The following THSD7B variants were observed in gnomAD, a reference collection of about 807,000 sequenced individuals.
The protein encoded by THSD7B is thrombospondin type 1 domain containing 7B.
THSD7B carries 138 observed loss-of-function variants against 213.6 expected under a neutral mutation model. The ratio of observed to expected loss-of-function variants is 0.65; its 90% CI spans 0.56 to 0.74. THSD7B has a LOEUF of 0.74. THSD7B is among the 30% of genes least tolerant of loss of function. The pLI, the probability that THSD7B is intolerant of heterozygous loss-of-function variation, is 0.00. For synonymous variants in THSD7B, 742 were observed against 687.0 expected (o/e 1.08, Z -1.25); for missense variants, 1,931 against 1,991.5 (o/e 0.97, Z 0.58).
At chr2:137,215,733 C>T (rs1255518249) in intron 7 of THSD7B, among the ~76,000 whole-genome samples, 1 of 152,146 alleles carries the variant, frequency 6.6e-6, no homozygotes, top group African/African-American at 2.4e-5. Flanking sequence ...TCTTTATTCT[C>T]TTAATCTTTG....
At chr2:137,644,752 C>T (rs1326825395) in intron 21 of THSD7B, among the ~76,000 whole-genome samples, 1 of 152,134 alleles carries the variant, frequency 6.6e-6, no homozygotes, top group Non-Finnish European at 1.5e-5. Flanking sequence ...CTTGTCCTAG[C>T]ATGTCCTTGC....
At chr2:137,146,984 A>G (rs555569425) in intron 5 of THSD7B, among the ~76,000 whole-genome samples, 1 of 152,290 alleles carries the variant, frequency 6.6e-6, no homozygotes, top group East Asian at 1.9e-4. Flanking sequence ...ATTATACTCC[A>G]TAAATTATTC....
intron 15 of THSD7B, among the ~76,000 whole-genome samples, chr2:137,534,627 C>T (rs1680467718): frequency 6.6e-6 from 1 of 151,472 alleles, no homozygotes; most frequent in Non-Finnish European, 1.5e-5. Flanking sequence ...TTTTATGTAC[C>T]TGATACTAAA....
chr2:137,022,019 A>G (rs567992819), intron 2 of THSD7B, among the ~76,000 whole-genome samples: 3 of 152,266 alleles, frequency 2.0e-5, no homozygotes, highest in African/African-American at 7.2e-5. Context: ...ACATGTATCA[A>G]TAGTTTGTCC....
intron 16 of THSD7B, among the ~76,000 whole-genome samples, chr2:137,566,642 C>A (rs1169672483): frequency 2.0e-5 from 3 of 152,076 alleles, no homozygotes; most frequent in Non-Finnish European, 4.4e-5. Flanking sequence ...GCATGCCCAT[C>A]GGGTTTCATA....
chr2:136,976,098 TAGATAAA>T (rs1222056920), intron 2 of THSD7B, among the ~76,000 whole-genome samples: 1 of 152,226 alleles, frequency 6.6e-6, no homozygotes, highest in Non-Finnish European at 1.5e-5. Context: ...TGGGGTTTTC[TAGATAAA>T]AGATCATGTC....
At chr2:137,559,356 C>G (rs1188747224) in intron 15 of THSD7B, among the ~76,000 whole-genome samples, 4 of 152,066 alleles carry the variant, frequency 2.6e-5, no homozygotes, top group Admixed American at 2.6e-4. Context: ...GTACTGGTAC[C>G]AAAACAGAGA....
chr2:136,965,003 C>G (rs1288838832), intron 2 of THSD7B, among the ~76,000 whole-genome samples: 5 of 118,962 alleles, frequency 4.2e-5, no homozygotes, highest in Non-Finnish European at 7.2e-5. Context: ...AGAGTGAGAC[C>G]CTGTCTCAAA....
intron 4 of THSD7B, among the ~76,000 whole-genome samples, chr2:137,099,511 A>T (rs535366959): frequency 3.5e-4 from 53 of 152,300 alleles, no homozygotes; most frequent in Non-Finnish European, 5.7e-4. Context: ...TTTAATAGAG[A>T]GGCCCATTCT....
intron 10 of THSD7B, among the ~76,000 whole-genome samples, chr2:137,271,406 TG>T (rs1558737504): frequency 2.8e-5 from 4 of 142,296 alleles, no homozygotes; most frequent in African/African-American, 1.1e-4. Flanking sequence ...TATATATATA[TG>T]AATTATAATA....
rs553723123 is a variant in THSD7B, at chr2:137,166,332, AAAAT to A, written c.1526-4403_1526-4400del. Among the ~76,000 whole-genome samples the A allele has an allele frequency of 8.3e-4, 126 of 152,338 alleles. 1 individual carries two copies. The highest frequency in any genetic ancestry group is 2.7e-3 in the African/African-American group (113 of 41,590). ...AGATATATAAGAGAATTAGCCTGAAAAAATAAATACTCTTAGACAAACTCTACAC... is the reference window on the plus strand; with the variant it reads ...AGATATATAAGAGAATTAGCCTGAAAAAATACTCTTAGACAAACTCTACAC... On this transcript the variant is annotated intron_variant, in intron 6 of 27. Transcript: ENST00000409968.
intron 4 of THSD7B, among the ~76,000 whole-genome samples, chr2:137,110,421 A>T (rs1421423343): frequency 6.6e-6 from 1 of 152,194 alleles, no homozygotes; most frequent in East Asian, 1.9e-4. Context: ...CTTTATCTTA[A>T]CTGAAATGTT....
At chr2:137,542,857 C>T (rs1306425339) in intron 15 of THSD7B, among the ~76,000 whole-genome samples, 3 of 151,840 alleles carry the variant, frequency 2.0e-5, no homozygotes, top group Non-Finnish European at 4.4e-5. Flanking sequence ...TGAAAATACA[C>T]CAAAACATTT....
At chr2:137,583,255 T>A (rs191409144) in intron 17 of THSD7B, among the ~76,000 whole-genome samples, 27 of 152,264 alleles carry the variant, frequency 1.8e-4, no homozygotes, top group Middle Eastern at 3.4e-3. Context: ...GTGAGATGAG[T>A]AGATTGCAAA....
At chr2:137,385,777 G>A (rs1046963303) in intron 12 of THSD7B, among the ~76,000 whole-genome samples, 5 of 152,146 alleles carry the variant, frequency 3.3e-5, no homozygotes, top group Non-Finnish European at 7.3e-5. Flanking sequence ...ATTCCATCCT[G>A]AAACTCCAAG....
At chr2:137,302,766 A>G (rs62171151) in intron 12 of THSD7B, among the ~76,000 whole-genome samples, 9,374 of 152,234 alleles carry the variant, frequency 0.062, 536 homozygotes, top group African/African-American at 0.14. Context: ...ATTGCTAGAA[A>G]GATGTTCTTA....
chr2:137,451,745 G>T (rs909629205), intron 15 of THSD7B, among the ~76,000 whole-genome samples: 6 of 152,046 alleles, frequency 3.9e-5, no homozygotes, highest in Admixed American at 3.9e-4. Context: ...TCCCATGATT[G>T]TGTACTGATT....
chr2:137,089,120 A>G lies in THSD7B; in HGVS notation c.951-5753A>G, dbSNP rs151098919. ...ATTTGATCCAGCAATCCTACTACCC[A>G]GAGGAAAATAAGTCATTATACGAAA... On this transcript the variant is annotated intron_variant, in intron 3 of 27. Coordinates refer to ENST00000409968, the MANE Select transcript of THSD7B (RefSeq NM_001316349.2). Among the ~76,000 whole-genome samples the G allele has an allele frequency of 4.6e-5, 7 of 152,092 alleles. No individual in the cohort carries two copies. In the East Asian group the frequency reaches 1.4e-3, roughly 30 times the overall value.
chr2:136,901,200 C>T (rs1044395078), intron 2 of THSD7B, among the ~76,000 whole-genome samples: 1 of 152,006 alleles, frequency 6.6e-6, no homozygotes, highest in African/African-American at 2.4e-5. Context: ...TGCTTGGGCA[C>T]TTATTATGTG....
Sources: gnomAD v4.1 joint callset for allele counts (sites outside exome capture counted in the v4.1 genomes callset) on GRCh38, gnomAD v4.1.1 for gene constraint, MANE v1.5 for transcripts, NCBI Gene and HGNC (gene_info 2026-07-23, HGNC 2026-07-21) for gene names.